STMN2: variants seen among roughly 807,000 people sequenced by gnomAD.
STMN2 encodes the protein stathmin 2, also known as stathmin-2.
A neutral mutation model predicts 24.1 loss-of-function variants in STMN2; 2 were observed. The ratio of observed to expected loss-of-function variants is 0.08; its 90% CI spans 0.03 to 0.26. STMN2 has a LOEUF of 0.26. Ranked by LOEUF, STMN2 falls within the 10% of genes least tolerant of loss-of-function variation. The probability of loss-of-function intolerance (pLI) is 1.00; values close to 1 mark genes in which losing one functional copy is unlikely to be tolerated. For synonymous variants in STMN2, 83 were observed against 77.5 expected (o/e 1.07, Z -0.37); for missense variants, 114 against 213.6 (o/e 0.53, Z 2.91).
At chr8:79,626,698 A>G (rs895449593) in intron 1 of STMN2, among the ~76,000 whole-genome samples, 7 of 152,200 alleles carry the variant, frequency 4.6e-5, no homozygotes, top group Non-Finnish European at 7.3e-5. Context: ...CTGCTTAGCA[A>G]CCAATGGATA....
intron 3 of STMN2, among the ~76,000 whole-genome samples, chr8:79,646,190 G>C (rs1810213856): frequency 6.6e-6 from 1 of 151,914 alleles, no homozygotes; most frequent in Non-Finnish European, 1.5e-5. Context: ...ATCTGAAATT[G>C]CACTAAGGAA....
chr8:79,614,391 T>G (rs1397813142), intron 1 of STMN2, among the ~76,000 whole-genome samples: 3 of 152,216 alleles, frequency 2.0e-5, no homozygotes, highest in Non-Finnish European at 4.4e-5. Context: ...TGAATGGATA[T>G]ATAAGTAACT....
In STMN2 at chr8:79,612,135, C is replaced by A. The variant is rs558430590; in HGVS notation, c.19+921C>A. Among the ~76,000 whole-genome samples, 281 of 151,370 alleles carry A rather than the reference C, an allele frequency of 1.9e-3. 1 individual carries two copies. Among genetic ancestry groups the A allele is most frequent in the Middle Eastern group, 3.4e-3 (1 of 292 alleles). ...CGGGTGGGGAGCGCAGCGTGACACC[C>A]AGGAGCCCAACCCTGCGGGGACAGC... On this transcript the variant is annotated intron_variant, in intron 1 of 4. Transcript: ENST00000220876.
intron 1 of STMN2, chr8:79,613,346 C>G (rs1809293722): frequency 1.0e-6 from 1 of 977,754 alleles, no homozygotes; most frequent in African/African-American, 1.8e-5. Flanking sequence ...GCGCAGCCAG[C>G]CCTGCAGAGC....
chr8:79,642,898 A>G (rs1206532768), intron 3 of STMN2, among the ~76,000 whole-genome samples: 1 of 148,916 alleles, frequency 6.7e-6, no homozygotes, highest in African/African-American at 2.4e-5. Context: ...GAATTTTTAT[A>G]TATATAATTA....
At chr8:79,615,264 A>C (rs1033854887) in intron 1 of STMN2, among the ~76,000 whole-genome samples, 2 of 152,214 alleles carry the variant, frequency 1.3e-5, no homozygotes, top group African/African-American at 2.4e-5. Flanking sequence ...ACTGAGTGTG[A>C]CTGATCACAT....
intron 4 of STMN2, among the ~76,000 whole-genome samples, chr8:79,659,957 ATTTCCAAAGG>A (rs1806468225): frequency 6.6e-6 from 1 of 152,156 alleles, no homozygotes; most frequent in African/African-American, 2.4e-5. Flanking sequence ...TTTCTCACGT[ATTTCCAAAGG>A]TTTCTCTCCA....
At position 79,613,465 on chromosome 8, in the gene STMN2, A is replaced by C. The variant is rs375219401; in HGVS notation, c.19+2251A>C. The C allele has an allele frequency of 1.3e-5, 13 of 985,384 alleles. No individual in the cohort carries two copies. In the East Asian group the frequency reaches 6.8e-4, roughly 52 times the overall value. 61.0% of individuals were successfully genotyped at this position (985,384 alleles called of 1,614,324 possible). ...GTCCTGAGCTACCCCCGCTTTCCAC[A>C]ATTCGCAGTTCACTCGCACGTCCAG... is the stretch of plus-strand genomic sequence containing the variant. On this transcript the variant is annotated intron_variant, in intron 1 of 4. Transcript: ENST00000220876.
intron 3 of STMN2, among the ~76,000 whole-genome samples, chr8:79,651,143 C>T (rs1810326216): frequency 6.6e-6 from 1 of 152,148 alleles, no homozygotes; most frequent in African/African-American, 2.4e-5. Flanking sequence ...ATAACATTCC[C>T]TTCCAGGGTG....
In STMN2 at chr8:79,624,166, A is replaced by G. The variant is rs140247082; in HGVS notation, c.20-12636A>G. Among the ~76,000 whole-genome samples, 452 of 152,220 alleles carry G rather than the reference A, an allele frequency of 3.0e-3. 4 individuals carry two copies. Among genetic ancestry groups the G allele is most frequent in the African/African-American group, 0.01 (431 of 41,554 alleles). On this transcript the variant is annotated intron_variant, in intron 1 of 4. Coordinates refer to ENST00000220876, the MANE Select transcript of STMN2 (RefSeq NM_007029.4). ...AGCTATATTACAACTTACCCAAGAA[A>G]TAAGGAGGCTGGGCGTGGTGGCTCA... is the stretch of plus-strand genomic sequence containing the variant.
At chr8:79,632,979 T>C (rs1190821096) in intron 1 of STMN2, among the ~76,000 whole-genome samples, 2 of 152,220 alleles carry the variant, frequency 1.3e-5, no homozygotes, top group Non-Finnish European at 2.9e-5. Flanking sequence ...TACTGTTTCC[T>C]ATCAGTTCTT....
Position 79,611,223 on chromosome 8 carries a change from C to T in STMN2, c.19+9C>T, listed in dbSNP as rs1347910639. On this transcript the variant is annotated intron_variant, in intron 1 of 4. Coordinates refer to ENST00000220876, the MANE Select transcript of STMN2 (RefSeq NM_007029.4). ...GGCTAAAACAGCAATGGGTAAGGCA[C>T]TGCGCCTCGTTCTCCGTCGGCTCTA... 1 of 1,614,056 alleles carries T rather than the reference C, an allele frequency of 6.2e-7. No individual in the cohort carries two copies. The highest frequency in any genetic ancestry group is 8.5e-7 in the Non-Finnish European group (1 of 1,180,036).
intron 4 of STMN2, chr8:79,663,745 G>A (rs968780625): frequency 1.5e-5 from 17 of 1,143,530 alleles, no homozygotes; most frequent in South Asian, 1.5e-4. Context: ...TTTATTTAGC[G>A]CCTATGATAT....
chr8:79,629,193 ATACTC>A (rs1303002212), intron 1 of STMN2, among the ~76,000 whole-genome samples: 1 of 152,164 alleles, frequency 6.6e-6, no homozygotes, highest in East Asian at 1.9e-4. Flanking sequence ...ACTGCCAGAG[ATACTC>A]CAAAATAAAA....
chr8:79,652,815 A>C (rs980822191), intron 3 of STMN2, among the ~76,000 whole-genome samples: 1 of 152,070 alleles, frequency 6.6e-6, no homozygotes, highest in African/African-American at 2.4e-5. Flanking sequence ...CAGAGAGAGA[A>C]ACTTTAAATA....
intron 1 of STMN2, among the ~76,000 whole-genome samples, chr8:79,627,389 G>A (rs541670955): frequency 4.5e-4 from 69 of 152,196 alleles, no homozygotes; most frequent in African/African-American, 1.6e-3. Flanking sequence ...GGTATTTTCT[G>A]TGACAGATAA....
At chr8:79,650,638 A>G (rs1810314902) in intron 3 of STMN2, among the ~76,000 whole-genome samples, 1 of 152,250 alleles carries the variant, frequency 6.6e-6, no homozygotes, top group East Asian at 1.9e-4. Flanking sequence ...TAGAGGAGTT[A>G]TGGGCAGCAA....
At chr8:79,624,179 G>A (rs1447945419) in intron 1 of STMN2, among the ~76,000 whole-genome samples, 3 of 152,076 alleles carry the variant, frequency 2.0e-5, no homozygotes, top group Non-Finnish European at 2.9e-5. Context: ...AGGAGGCTGG[G>A]CGTGGTGGCT....
intron 1 of STMN2, among the ~76,000 whole-genome samples, chr8:79,628,244 A>T (rs1809707671): frequency 6.6e-6 from 1 of 151,742 alleles, no homozygotes; most frequent in Admixed American, 6.6e-5. Context: ...GCTCACTGCA[A>T]TCTCTGCCTC....
Sources: allele counts gnomAD v4.1 joint callset (sites outside exome capture counted in the v4.1 genomes callset), GRCh38; gene constraint gnomAD v4.1.1; transcripts MANE v1.5; gene names NCBI Gene and HGNC (gene_info 2026-07-23, HGNC 2026-07-21).